The following RPS24 variants were observed in gnomAD, a reference collection of about 807,000 sequenced individuals.
RPS24 encodes ribosomal protein S24, also known as small ribosomal subunit protein eS24.
For missense variants in RPS24, 100 were observed against 162.5 expected (o/e 0.62, Z 2.09); for synonymous variants, 72 against 55.6 (o/e 1.30, Z -1.31).
chr10:78,054,559 C>T (rs1473238723), exon 5 of RPS24: 7 of 1,546,628 alleles, frequency 4.5e-6, no homozygotes, highest in African/African-American at 1.4e-5. Context: ...GGAGTGCAAG[C>T]ATTGGGAAGA....
intron 4 of RPS24, among the ~76,000 whole-genome samples, chr10:78,053,001 G>A (rs1206850145): frequency 6.6e-6 from 1 of 151,902 alleles, no homozygotes; most frequent in East Asian, 1.9e-4. Flanking sequence ...AAATACAGAA[G>A]ATTAGCCAGA....
At chr10:78,050,564 G>A (rs1332392978) in intron 4 of RPS24, among the ~76,000 whole-genome samples, 1 of 152,170 alleles carries the variant, frequency 6.6e-6, no homozygotes, top group African/African-American at 2.4e-5. Flanking sequence ...GCAATTCAAT[G>A]GGTTTCAATG....
chr10:78,044,593 A>G (rs931383374), downstream of RPS24, among the ~76,000 whole-genome samples: 2 of 151,768 alleles, frequency 1.3e-5, no homozygotes, highest in Admixed American at 6.6e-5. Context: ...ACACCTCCAT[A>G]CATTAATCCA....
exon 5 of RPS24, chr10:78,056,546 A>C (rs1848150695): frequency 6.6e-6 from 1 of 152,240 alleles, no homozygotes; most frequent in Non-Finnish European, 1.5e-5. Flanking sequence ...GGGTGCAAGC[A>C]GAGTTGTGAG....
chr10:78,050,827 T>C (rs888570214), intron 4 of RPS24, among the ~76,000 whole-genome samples: 1 of 152,188 alleles, frequency 6.6e-6, no homozygotes, highest in Non-Finnish European at 1.5e-5. Flanking sequence ...CTCTACATTA[T>C]GTTGCGCCTC....
chr10:78,044,510 G>C (rs1848021697), downstream of RPS24, among the ~76,000 whole-genome samples: 3 of 152,154 alleles, frequency 2.0e-5, no homozygotes, highest in Admixed American at 6.5e-5. Flanking sequence ...TTGGCTGCTA[G>C]AGCACAGAAG....
chr10:78,041,513 G>T (rs1227070235), downstream of RPS24, among the ~76,000 whole-genome samples: 1 of 152,220 alleles, frequency 6.6e-6, no homozygotes, highest in East Asian at 1.9e-4. Context: ...TGGCTTACTA[G>T]TACAGAACGT....
intron 4 of RPS24, among the ~76,000 whole-genome samples, chr10:78,047,702 C>T (rs1471448871): frequency 1.3e-5 from 2 of 152,190 alleles, no homozygotes; most frequent in Non-Finnish European, 1.5e-5. Flanking sequence ...ATCCGTGCTG[C>T]GAGGTCTCTG....
At chr10:78,042,943 C>A (rs1478125332), downstream of RPS24, among the ~76,000 whole-genome samples, 1 of 152,144 alleles carries the variant, frequency 6.6e-6, no homozygotes, top group Non-Finnish European at 1.5e-5. Context: ...TCTCATGGAG[C>A]CGAAACAGGT....
chr10:78,038,051 A>G, intron 4 of RPS24: 1 of 1,019,850 alleles, frequency 9.8e-7, no homozygotes, highest in Non-Finnish European at 1.3e-6. Flanking sequence ...GATGCTTTGC[A>G]TGTTGGCCTT....
chr10:78,034,826 G>A (rs1370242605), intron 1 of RPS24, among the ~76,000 whole-genome samples: 1 of 152,226 alleles, frequency 6.6e-6, no homozygotes, highest in Non-Finnish European at 1.5e-5. Flanking sequence ...GATAAACACA[G>A]TTCATTGAGT....
At chr10:78,039,596 A>G (rs79951115) in intron 4 of RPS24, 8,503 of 153,258 alleles carry the variant, frequency 0.055, 807 homozygotes, top group African/African-American at 0.19. Flanking sequence ...CGATGGAGTT[A>G]TATACTAAGT....
At chr10:78,055,326 G>A (rs1297406772) in exon 5 of RPS24, 1 of 285,420 alleles carries the variant, frequency 3.5e-6, no homozygotes, top group South Asian at 1.4e-4. Flanking sequence ...CTTGTTTATT[G>A]GTATTTTCCC....
At chr10:78,039,739 G>A (rs1170729156) in intron 4 of RPS24, 3 of 178,268 alleles carry the variant, frequency 1.7e-5, no homozygotes, top group African/African-American at 7.1e-5. Context: ...TTATTGAACT[G>A]AGGCAGCTTT....
At chr10:78,044,222 T>G (rs867538735), downstream of RPS24, among the ~76,000 whole-genome samples, 19 of 152,188 alleles carry the variant, frequency 1.2e-4, no homozygotes, top group Non-Finnish European at 2.2e-4. Flanking sequence ...GCAAGAGACA[T>G]GATCTGATTT....
intron 4 of RPS24, chr10:78,049,186 A>G (rs1404450878): frequency 1.3e-5 from 2 of 152,156 alleles, no homozygotes; most frequent in African/African-American, 4.8e-5. Context: ...ACAGCAAGTG[A>G]GCCGTTTGCT....
chr10:78,037,488 GTAAAGTAGCTT>G, intron 4 of RPS24, 184 bp downstream of exon 4: 1 of 993,898 alleles, frequency 1.0e-6, no homozygotes, highest in East Asian at 2.9e-5. Context: ...TAACACCTCA[GTAAAGTAGCTT>G]GGCCCACCCC....
rs763683559 is a variant in RPS24, at chr10:78,054,549, G to A, written c.409G>A (p.Gly137Arg). ...TTTGCAGATGAGGGAATTGGGGCTT[G>A]GAGTGCAAGCATTGGGAAGAATTTC... The change falls in exon 5 of 5, where the codon GGA (glycine) becomes AGA (arginine). Residue 137 changes from glycine to arginine, a missense_variant. Physicochemically the swap from Gly to Arg is moderately radical, Grantham distance 125. Coordinates refer to the RPS24 transcript ENST00000440692. 2.7e-5 allele frequency: 42 copies of A among 1,543,748 alleles called. No individual in the cohort carries two copies. The African/African-American group carries it at 4.3e-4, about 16-fold the overall frequency.
At chr10:78,047,305 G>A (rs1848055150) in intron 4 of RPS24, among the ~76,000 whole-genome samples, 1 of 152,094 alleles carries the variant, frequency 6.6e-6, no homozygotes, top group African/African-American at 2.4e-5. Context: ...TGATTCAGAT[G>A]CATGCTAAAG....
Sources: allele counts gnomAD v4.1 joint callset (sites outside exome capture counted in the v4.1 genomes callset), GRCh38; gene constraint gnomAD v4.1.1; transcripts MANE v1.5; gene names NCBI Gene and HGNC (gene_info 2026-07-23, HGNC 2026-07-21).